The following GPSM1 variants were observed in gnomAD, a reference collection of about 807,000 sequenced individuals.
GPSM1 encodes the protein G protein signaling modulator 1.
GPSM1 carries 48 observed loss-of-function variants against 70.5 expected under a neutral mutation model. That is an observed-to-expected ratio of 0.68 (90% CI 0.54 to 0.87). The LOEUF (loss-of-function observed/expected upper bound fraction) is 0.87, where lower values mean the gene tolerates loss of function less well. Among genes scored for constraint, GPSM1 ranks in the 40% least tolerant of loss-of-function variants. The pLI is 0.00. For missense variants in GPSM1, 981 were observed against 972.6 expected (o/e 1.01, Z -0.11); for synonymous variants, 416 against 430.1 (o/e 0.97, Z 0.41).
In GPSM1 at chr9:136,355,849, G is replaced by A. The variant is rs1323447790; in HGVS notation, c.1612+3G>A. On this transcript the variant is annotated splice_donor_region_variant and intron_variant, in intron 12 of 13. Coordinates refer to ENST00000440944, the MANE Select transcript of GPSM1 (RefSeq NM_001145638.3). Reference sequence around the variant, plus strand: ...CCCCACCCTGGAGGACAGGATCGGTGAGTGCCCCCCTCAGCCGGGCCCTCC... The same window carrying A: ...CCCCACCCTGGAGGACAGGATCGGTAAGTGCCCCCCTCAGCCGGGCCCTCC... The A allele has an allele frequency of 7.5e-6, 12 of 1,603,892 alleles. No individual in the cohort carries two copies. The highest frequency in any genetic ancestry group is 1.7e-5 in the Admixed American group (1 of 59,164).
In GPSM1 at chr9:136,343,404, C is replaced by T. The variant is rs1262468215; in HGVS notation, c.1207+2411C>T. On this transcript the variant is annotated intron_variant, in intron 9 of 13. Coordinates refer to ENST00000440944, the MANE Select transcript of GPSM1 (RefSeq NM_001145638.3). The surrounding 1 kb of genome is among the most constrained non-coding windows in gnomAD (Gnocchi z 6.0). Reference sequence around the variant, plus strand: ...CCTGCCCTTGGCCTGTCCCCGATGGCCCTGCCTGTCCCACAGGATGTGCGA... The same window carrying T: ...CCTGCCCTTGGCCTGTCCCCGATGGTCCTGCCTGTCCCACAGGATGTGCGA... 6.6e-6 allele frequency among the ~76,000 whole-genome samples: 1 copy of T among 152,230 alleles called. No homozygotes were observed. The highest frequency in any genetic ancestry group is 1.5e-5 in the Non-Finnish European group (1 of 68,044).
At chr9:136,356,288 C>A in intron 12 of GPSM1, 54 bp from the exon 13 acceptor site, 1 of 1,326,982 alleles carries the variant, frequency 7.5e-7, no homozygotes, top group Admixed American at 2.6e-5. Flanking sequence ...GCAGCCCGAG[C>A]CTCGGGCTTG....
Position 136,327,635 on chromosome 9 carries a change from A to G in GPSM1, c.-61A>G. 2.6e-6 allele frequency: 1 copy of G among 391,104 alleles called. No homozygotes were observed. Among genetic ancestry groups the G allele is most frequent in the Non-Finnish European group, 3.6e-6 (1 of 274,676 alleles). The allele number at this position is 391,104 out of a possible 1,614,324, so 24.2% of individuals were successfully genotyped here. On this transcript the variant is annotated 5_prime_UTR_variant, in exon 1 of 14. Coordinates refer to ENST00000440944, the MANE Select transcript of GPSM1 (RefSeq NM_001145638.3). ...CAGCAGGGAGGACAGCAGGGCGGGC[A>G]GGGGGCGGACGGCCACGGCGCGGGG... is the stretch of plus-strand genomic sequence containing the variant.
At chr9:136,354,798 C>A in intron 11 of GPSM1, 1 of 985,678 alleles carries the variant, frequency 1.0e-6, no homozygotes, top group Non-Finnish European at 1.2e-6. Flanking sequence ...ACAGCAGACA[C>A]CGGTGAGGGC....
Position 136,341,473 on chromosome 9 carries a change from A to T in GPSM1, c.1207+480A>T. 7.6e-7 allele frequency: 1 copy of T among 1,307,650 alleles called. No individual in the cohort carries two copies. The highest frequency in any genetic ancestry group is 1.9e-5 in the South Asian group (1 of 53,676). 81.0% of individuals were successfully genotyped at this position (1,307,650 alleles called of 1,614,324 possible). The stretch of plus-strand genomic sequence containing the variant: ...CGAGGCCACCGTGGTGACCTCATTC[A>T]TGGACCGCTGGTCGTCCCATGCCGG... On this transcript the variant is annotated intron_variant, in intron 9 of 13. Transcript: ENST00000440944. The surrounding 1 kb of genome is among the most constrained non-coding windows in gnomAD (Gnocchi z 6.7).
At chr9:136,354,000 G>GA (rs1832742949) in intron 11 of GPSM1, among the ~76,000 whole-genome samples, 1 of 152,202 alleles carries the variant, frequency 6.6e-6, no homozygotes, top group South Asian at 2.1e-4. Context: ...GAATCCGGGG[G>GA]AGTGGGGGTG....
Position 136,358,047 on chromosome 9 carries a change from C to T in GPSM1, c.1855C>T (p.Pro619Ser), listed in dbSNP as rs569933588. Residue 619 changes from proline to serine, a missense_variant, in exon 14 of 14, where the codon CCT (proline) becomes TCT (serine). Pro to Ser is a moderately conservative substitution (Grantham distance 74). Coordinates refer to ENST00000440944, the MANE Select transcript of GPSM1 (RefSeq NM_001145638.3). ...SRIDDQRCPP[P>S]DVLPRGPTMP... is the part of the protein sequence containing the mutation. ...GATCGATGACCAGCGCTGCCCGCCACCTGACGTACTGCCCCGGGGCCCTAC... is the reference window on the plus strand; with the variant it reads ...GATCGATGACCAGCGCTGCCCGCCATCTGACGTACTGCCCCGGGGCCCTAC... The T allele has an allele frequency of 1.3e-5, 21 of 1,612,660 alleles. No individual in the cohort carries two copies. The highest frequency in any genetic ancestry group is 1.7e-5 in the Non-Finnish European group (20 of 1,179,840).
Position 136,342,802 on chromosome 9 carries a change from C to T in GPSM1, c.1207+1809C>T, listed in dbSNP as rs1373930600. Among the ~76,000 whole-genome samples the T allele has an allele frequency of 1.3e-5, 2 of 150,832 alleles. No homozygotes were observed. Among genetic ancestry groups the T allele is most frequent in the Non-Finnish European group, 3.0e-5 (2 of 67,602 alleles). On this transcript the variant is annotated intron_variant, in intron 9 of 13. Coordinates refer to ENST00000440944, the MANE Select transcript of GPSM1 (RefSeq NM_001145638.3). The surrounding 1 kb of genome is among the most constrained non-coding windows in gnomAD (Gnocchi z 5.5). ...AGAGCCGCGCTAGAGCCTGGCCGTG[C>T]GGAGGGGGCGCCAGGGCTGGGGGCA...
rs1163038923 is a variant in GPSM1, at chr9:136,336,891, C to A, written c.427-30C>A. ...CACATCGTGTGGGGGGCCGTGGAGG[C>A]ATGCCCCCAACCCTCCGTACTGCCC... On this transcript the variant is annotated intron_variant, in intron 3 of 13. Transcript: ENST00000440944. The A allele has an allele frequency of 3.3e-5, 51 of 1,539,468 alleles. No homozygotes were observed. In the African/African-American group the frequency reaches 4.1e-4, roughly 12 times the overall value.
intron 11 of GPSM1, chr9:136,352,935 CTG>C (rs1297579728): frequency 2.2e-5 from 4 of 183,752 alleles, no homozygotes; most frequent in Non-Finnish European, 3.1e-5. Flanking sequence ...GTGTGTGAGC[CTG>C]TGTGTGTGCA....
chr9:136,338,491 T>C, intron 6 of GPSM1, 64 bp from the exon 7 acceptor site: 1 of 1,504,504 alleles, frequency 6.6e-7, no homozygotes, highest in African/African-American at 1.4e-5. Context: ...GCGTCCCCAT[T>C]CTTACCTTCC....
chr9:136,334,583 T>A lies in GPSM1; in HGVS notation c.205T>A (p.Tyr69Asn). Residue 69 changes from tyrosine to asparagine, a missense_variant, in exon 2 of 14, where the codon TAC (tyrosine) becomes AAC (asparagine). By Grantham distance (143) the Tyr-to-Asn change is moderately radical. Transcript: ENST00000440944. ...GGACCTGAAGACACTGAGTGCCATCTACAGCCAGCTGGGCAACGCCTACTT... is the reference window on the plus strand; with the variant it reads ...GGACCTGAAGACACTGAGTGCCATCAACAGCCAGCTGGGCAACGCCTACTT... Reference protein sequence around the residue: ...TEDLKTLSAIYSQLGNAYFYL... With the variant: ...TEDLKTLSAINSQLGNAYFYL... 6.2e-7 allele frequency: 1 copy of A among 1,613,364 alleles called. No individual in the cohort carries two copies. Among genetic ancestry groups the A allele is most frequent in the East Asian group, 2.2e-5 (1 of 44,886 alleles).
chr9:136,338,309 G>C (rs933713680), intron 6 of GPSM1, among the ~76,000 whole-genome samples: 2 of 152,208 alleles, frequency 1.3e-5, no homozygotes, highest in South Asian at 4.1e-4. Context: ...CAGGTCCTCC[G>C]GGGAGGAGTG....
chr9:136,358,355 G>A lies in GPSM1; in HGVS notation c.*135G>A. The A allele has an allele frequency of 1.2e-6, 1 of 846,946 alleles. No individual in the cohort carries two copies. The highest frequency in any genetic ancestry group is 1.8e-6 in the Non-Finnish European group (1 of 551,074). The allele number at this position is 846,946 out of a possible 1,614,324, so 52.5% of individuals were successfully genotyped here. A position where few individuals can be genotyped will look rare whatever the true frequency, so the allele number is the denominator to read the frequency against. On this transcript the variant is annotated 3_prime_UTR_variant, in exon 14 of 14. Transcript: ENST00000440944. ...AGCCCCACGGCCTCCCCGACCCAGG[G>A]CGACAGGCTCAGGCCAAGCTGCCCG...
chr9:136,344,245 A>G (rs1278190676), intron 9 of GPSM1, among the ~76,000 whole-genome samples: 20 of 145,586 alleles, frequency 1.4e-4, no homozygotes, highest in South Asian at 6.6e-4. Flanking sequence ...GGTGGGGCGC[A>G]GACAGGAGCA....
At chr9:136,354,776 G>T (rs1035658612) in intron 11 of GPSM1, 2 of 973,086 alleles carry the variant, frequency 2.1e-6, no homozygotes, top group Non-Finnish European at 2.4e-6. Context: ...TCATTCCTTC[G>T]AGTTCATTCA....
chr9:136,327,772 G>A lies in GPSM1; in HGVS notation c.68+9G>A, dbSNP rs782527141. The A allele has an allele frequency of 1.0e-6, 1 of 970,082 alleles. No homozygotes were observed. Among genetic ancestry groups the A allele is most frequent in the Non-Finnish European group, 1.3e-6 (1 of 764,012 alleles). The allele number at this position is 970,082 out of a possible 1,614,324, so 60.1% of individuals were successfully genotyped here. The stretch of plus-strand genomic sequence containing the variant: ...AGGCGCCTCTACTCCAGGTAGGACG[G>A]GCCGGGGCCGGGGCCGGGGCCGGGG... On this transcript the variant is annotated intron_variant, in intron 1 of 13. Coordinates refer to ENST00000440944, the MANE Select transcript of GPSM1 (RefSeq NM_001145638.3).
At chr9:136,355,650 G>A (rs375367554) in intron 11 of GPSM1, 40 bp from the exon 12 acceptor site, 38 of 1,598,170 alleles carry the variant, frequency 2.4e-5, no homozygotes, top group African/African-American at 1.1e-4. Flanking sequence ...GGGGGTCTGC[G>A]GGGCTAGCTT....
intron 1 of GPSM1, among the ~76,000 whole-genome samples, chr9:136,331,326 G>A (rs1832092812): frequency 6.7e-6 from 1 of 149,490 alleles, no homozygotes; most frequent in South Asian, 2.1e-4. Flanking sequence ...AGCACAGAGG[G>A]CCCGGCAGAC....
Sources: allele counts gnomAD v4.1 joint callset (sites outside exome capture counted in the v4.1 genomes callset), GRCh38; gene constraint gnomAD v4.1.1; non-coding constraint Gnocchi (gnomAD v3.1); transcripts MANE v1.5; gene names NCBI Gene and HGNC (gene_info 2026-07-23, HGNC 2026-07-21).